The following VAV3 variants were observed in gnomAD, a reference collection of about 807,000 sequenced individuals.
VAV3 encodes the protein guanine nucleotide exchange factor VAV3.
Under a neutral mutation model 131.2 loss-of-function variants are expected in VAV3, and 94 were observed. That is an observed-to-expected ratio of 0.72 (90% CI 0.61 to 0.85). VAV3 has a LOEUF of 0.85. Ranked by LOEUF, VAV3 falls within the 40% of genes least tolerant of loss-of-function variation. The pLI is 0.00. For missense variants in VAV3, 939 were observed against 1,002.7 expected, an observed-to-expected ratio of 0.94 and a Z score of 0.86; for synonymous variants, 349 against 342.0, an observed-to-expected ratio of 1.02 and a Z score of -0.22.
chr1:107,857,754 T>C (rs1669537755), intron 2 of VAV3, among the ~76,000 whole-genome samples: 1 of 152,258 alleles, frequency 6.6e-6, no homozygotes, highest in Non-Finnish European at 1.5e-5. Flanking sequence ...CTGATTCCTG[T>C]CTCAGAAAAA....
At chr1:107,603,293 T>C in intron 22 of VAV3, 130 bp from the exon 23 acceptor site, 1 of 665,432 alleles carries the variant, frequency 1.5e-6, no homozygotes, top group South Asian at 2.1e-5. Context: ...CTAATTACAT[T>C]GTTTAAGAAA....
intron 2 of VAV3, among the ~76,000 whole-genome samples, chr1:107,816,771 G>T (rs1351595088): frequency 2.0e-5 from 3 of 152,176 alleles, no homozygotes; most frequent in Non-Finnish European, 2.9e-5. Context: ...AGAGCTAAAA[G>T]AAATCTATAA....
chr1:107,906,027 T>C (rs1055709919), intron 1 of VAV3, among the ~76,000 whole-genome samples: 3 of 152,180 alleles, frequency 2.0e-5, no homozygotes, highest in Non-Finnish European at 1.5e-5. Flanking sequence ...CAAGGAACTG[T>C]GCCTATATTG....
intron 19 of VAV3, among the ~76,000 whole-genome samples, chr1:107,669,711 C>T (rs1657650425): frequency 6.6e-6 from 1 of 151,870 alleles, no homozygotes; most frequent in Non-Finnish European, 1.5e-5. Context: ...ATTGTCATCC[C>T]TTTCATCTAT....
chr1:107,761,784 CT>C (rs1159796450), intron 9 of VAV3, among the ~76,000 whole-genome samples: 4 of 152,058 alleles, frequency 2.6e-5, no homozygotes, highest in African/African-American at 4.8e-5. Context: ...CTGTATGCCC[CT>C]AAGAATGTAG....
At chr1:107,703,656 C>G (rs531358646) in intron 17 of VAV3, among the ~76,000 whole-genome samples, 1 of 152,312 alleles carries the variant, frequency 6.6e-6, no homozygotes, top group East Asian at 1.9e-4. Flanking sequence ...ATGAGCTATT[C>G]TCTGTTTCAC....
chr1:107,671,625 G>A (rs1220670041), intron 19 of VAV3, among the ~76,000 whole-genome samples: 1 of 152,122 alleles, frequency 6.6e-6, no homozygotes, highest in Admixed American at 6.6e-5. Context: ...AGATGAGGAG[G>A]ATTTGTAAAA....
At chr1:107,825,172 TTTC>T (rs1196382566) in intron 2 of VAV3, among the ~76,000 whole-genome samples, 1 of 152,210 alleles carries the variant, frequency 6.6e-6, no homozygotes, top group East Asian at 1.9e-4. Context: ...AAATAGTTCC[TTTC>T]TTATCTTTTA....
In VAV3 at chr1:107,777,309, GAAAAAACAAAAACA is replaced by G. The variant is rs1416050108; in HGVS notation, c.381-27_381-14del. On this transcript the variant is annotated splice_polypyrimidine_tract_variant and intron_variant, in intron 3 of 26. Transcript: ENST00000370056. Reference sequence around the variant, plus strand: ...TGTTGGGAAGGGCCTAGGAAGAGGAGAAAAAACAAAAACAAAAAAACAAACCCATGAGTGAACGA... The same window carrying G: ...TGTTGGGAAGGGCCTAGGAAGAGGAGAAAAAACAAACCCATGAGTGAACGA... The G allele has an allele frequency of 6.2e-7, 1 of 1,612,190 alleles. No individual in the cohort carries two copies. The highest frequency in any genetic ancestry group is 8.5e-7 in the Non-Finnish European group (1 of 1,179,516).
intron 15 of VAV3, among the ~76,000 whole-genome samples, chr1:107,722,256 A>G (rs1489551855): frequency 6.6e-6 from 1 of 152,160 alleles, no homozygotes; most frequent in Admixed American, 6.5e-5. Flanking sequence ...ACTCAAAACT[A>G]ATTACATTAG....
chr1:107,897,761 C>T (rs993351082), intron 1 of VAV3, among the ~76,000 whole-genome samples: 3 of 152,096 alleles, frequency 2.0e-5, no homozygotes, highest in African/African-American at 7.2e-5. Flanking sequence ...TGAGATTATA[C>T]TCTTCCTTCA....
chr1:107,730,242 T>C (rs1226447823), intron 15 of VAV3, among the ~76,000 whole-genome samples: 1 of 152,216 alleles, frequency 6.6e-6, no homozygotes, highest in African/African-American at 2.4e-5. Flanking sequence ...TATCATACTG[T>C]GTCCATACCT....
chr1:107,714,908 A>T (rs936711529), intron 15 of VAV3, among the ~76,000 whole-genome samples: 1 of 152,138 alleles, frequency 6.6e-6, no homozygotes, highest in Non-Finnish European at 1.5e-5. Context: ...TATTTTATTC[A>T]AGATGGGCTT....
Position 107,772,853 on chromosome 1 carries a change from AG to A in VAV3, c.447-11del, listed in dbSNP as rs775447920. 5 of 1,607,352 alleles carry A rather than the reference AG, an allele frequency of 3.1e-6. No homozygotes were observed. In the African/African-American group the frequency reaches 6.7e-5, roughly 21 times the overall value. On this transcript the variant is annotated splice_polypyrimidine_tract_variant and intron_variant, in intron 4 of 26. Transcript: ENST00000370056. ...TTCCACAAGGGTTTCACTACAACAA[AG>A]GATATCATATAAGGTCATTTTCTAT...
intron 1 of VAV3, among the ~76,000 whole-genome samples, chr1:107,904,759 C>T (rs1672022930): frequency 6.6e-6 from 1 of 152,126 alleles, no homozygotes; most frequent in Non-Finnish European, 1.5e-5. Flanking sequence ...AATTTCTCTA[C>T]CATCATGAGA....
intron 26 of VAV3, among the ~76,000 whole-genome samples, 199 bp from the exon 27 acceptor site, chr1:107,573,571 T>C (rs1353018010): frequency 2.0e-5 from 3 of 152,192 alleles, no homozygotes; most frequent in Non-Finnish European, 4.4e-5. Flanking sequence ...AAATAAACAG[T>C]GTTCTAATCC....
At chr1:107,812,967 C>CA (rs1196720712) in intron 2 of VAV3, among the ~76,000 whole-genome samples, 2 of 151,632 alleles carry the variant, frequency 1.3e-5, no homozygotes, top group African/African-American at 2.4e-5. Flanking sequence ...ACTAAAAATA[C>CA]AAAAAATTAG....
chr1:107,823,596 G>C (rs1667891315), intron 2 of VAV3, among the ~76,000 whole-genome samples: 1 of 152,188 alleles, frequency 6.6e-6, no homozygotes, highest in Non-Finnish European at 1.5e-5. Context: ...ACAGAAGAAT[G>C]GCCAGTGAGG....
intron 2 of VAV3, among the ~76,000 whole-genome samples, chr1:107,838,002 C>G (rs1162591093): frequency 1.3e-5 from 2 of 152,060 alleles, no homozygotes; most frequent in African/African-American, 4.8e-5. Context: ...GTCAAGTTCT[C>G]AAAAGCAATT....
Sources: gnomAD v4.1 joint callset for allele counts (sites outside exome capture counted in the v4.1 genomes callset) on GRCh38, gnomAD v4.1.1 for gene constraint, MANE v1.5 for transcripts, NCBI Gene and HGNC (gene_info 2026-07-23, HGNC 2026-07-21) for gene names.